HTR3C: variants seen among roughly 807,000 people sequenced by gnomAD.
HTR3C encodes the protein 5-hydroxytryptamine receptor 3C, also known as 5-HT3-C.
In HTR3C, 32 loss-of-function variants were observed where a neutral mutation model predicts 40.5. The ratio of observed to expected loss-of-function variants is 0.79; its 90% confidence interval spans 0.60 to 1.06. The LOEUF (loss-of-function observed/expected upper bound fraction) is 1.06, where lower values mean the gene tolerates loss of function less well. HTR3C is among the 50% of genes least tolerant of loss of function. The pLI, the probability that HTR3C is intolerant of heterozygous loss-of-function variation, is 0.00. For missense variants in HTR3C, 523 were observed against 556.8 expected (o/e 0.94, Z 0.61); for synonymous variants, 209 against 217.1 (o/e 0.96, Z 0.33).
intron 1 of HTR3C, 136 bp downstream of exon 1, chr3:184,053,283 TG>T (rs1456272594): frequency 3.0e-6 from 2 of 662,988 alleles, no homozygotes; most frequent in Non-Finnish European, 5.4e-6. Context: ...GATTTCCTTT[TG>T]GTGACAGATA....
At position 184,058,580 on chromosome 3, in the gene HTR3C, T is replaced by A. The variant is rs1189897528; in HGVS notation, c.713T>A (p.Met238Lys). 6.2e-7 allele frequency: 1 copy of A among 1,610,858 alleles called. No homozygotes were observed. The highest frequency in any genetic ancestry group is 1.1e-5 in the South Asian group (1 of 90,314). The change falls in exon 6 of 9, where the codon ATG becomes AAG. Residue 238 changes from methionine to lysine, a missense_variant. Met to Lys is a moderately conservative substitution (Grantham distance 95, BLOSUM62 -1). Coordinates refer to ENST00000318351, the MANE Select transcript of HTR3C (RefSeq NM_130770.3). Reference sequence around the variant, plus strand: ...GGCAACAACCTATATGACCAGATCATGTTTTATGTGAGTCCAGGGGCCCCT... The same window carrying A: ...GGCAACAACCTATATGACCAGATCAAGTTTTATGTGAGTCCAGGGGCCCCT... ...SMGNNLYDQI[M>K]FYVAIRRRPS... is the part of the protein sequence containing the mutation.
At chr3:184,059,769 CG>C in intron 7 of HTR3C, 58 bp from the exon 8 acceptor site, 1 of 1,597,548 alleles carries the variant, frequency 6.3e-7, no homozygotes, top group Non-Finnish European at 8.6e-7. Context: ...AGGAAAGAGG[CG>C]TGAGGAATGC....
intron 5 of HTR3C, among the ~76,000 whole-genome samples, chr3:184,057,501 G>A (rs541914001): frequency 5.9e-5 from 9 of 152,300 alleles, no homozygotes; most frequent in South Asian, 4.1e-4. Context: ...TCGGGAGGCC[G>A]AGGTGGGCAG....
At chr3:184,053,253 T>C in intron 1 of HTR3C, 106 bp downstream of exon 1, 1 of 797,498 alleles carries the variant, frequency 1.3e-6, no homozygotes, top group Non-Finnish European at 2.1e-6. Context: ...TAAATATTTC[T>C]TCCATAATGT....
At chr3:184,058,126 G>A (rs1723366939) in intron 5 of HTR3C, among the ~76,000 whole-genome samples, 1 of 152,224 alleles carries the variant, frequency 6.6e-6, no homozygotes, top group African/African-American at 2.4e-5. Flanking sequence ...CCATACGACT[G>A]GGGGACTGAG....
In HTR3C at chr3:184,054,843, A is replaced by G. The variant is rs761845667; in HGVS notation, c.190A>G (p.Thr64Ala). The change falls in exon 2 of 9, where the codon ACC becomes GCC. Residue 64 changes from threonine (T) to alanine (A), a missense_variant. By Grantham distance (58) the Thr-to-Ala change is moderately conservative (BLOSUM62 0). Coordinates refer to ENST00000318351, the MANE Select transcript of HTR3C (RefSeq NM_130770.3). ...FRPFTNYSIP[T>A]RVNISFTLSA... ...TCCATTCACCAACTACAGCATCCCTACCCGTGTCAACATCTCCTTCACCCT... is the reference window on the plus strand; with the variant it reads ...TCCATTCACCAACTACAGCATCCCTGCCCGTGTCAACATCTCCTTCACCCT... 1 of 1,612,826 alleles carries G rather than the reference A, an allele frequency of 6.2e-7. No homozygotes were observed. Among genetic ancestry groups the G allele is most frequent in the Non-Finnish European group, 8.5e-7 (1 of 1,179,434 alleles).
At chr3:184,055,711 T>TCACA (rs10561752) in intron 3 of HTR3C, among the ~76,000 whole-genome samples, 4 of 145,422 alleles carry the variant, frequency 2.8e-5, no homozygotes, top group Admixed American at 7.0e-5. Flanking sequence ...CGAAACTCCA[T>TCACA]CACACACACA....
At chr3:184,056,851 C>T (rs1213936294) in intron 4 of HTR3C, 24 bp from the exon 5 acceptor site, 1 of 1,566,420 alleles carries the variant, frequency 6.4e-7, no homozygotes, top group South Asian at 1.2e-5. Flanking sequence ...AAGCCTCCAT[C>T]TCTTCCCTCC....
intron 6 of HTR3C, 98 bp downstream of exon 6, chr3:184,058,685 C>A: frequency 1.5e-6 from 2 of 1,368,464 alleles, no homozygotes; most frequent in Non-Finnish European, 2.0e-6. Flanking sequence ...AAGCTCCAGG[C>A]CGGGTGCAGT....
intron 3 of HTR3C, 26 bp downstream of exon 3, chr3:184,055,382 C>T (rs367610543): frequency 5.2e-6 from 8 of 1,529,308 alleles, no homozygotes; most frequent in African/African-American, 1.4e-5. Flanking sequence ...CTATCTCCTC[C>T]CCACTTCATT....
rs1195018220 is a variant in HTR3C, at chr3:184,053,115, T to A, written c.35T>A (p.Leu12His). 1 of 1,613,806 alleles carries A rather than the reference T, an allele frequency of 6.2e-7. No individual in the cohort carries two copies. Among genetic ancestry groups the A allele is most frequent in the East Asian group, 2.2e-5 (1 of 44,878 alleles). Reference sequence around the variant, plus strand: ...GGGTGGCCTGCAAGGCAGAGTGCCCTCCTCTGCCTCACTGTCAGTCTTCTG... The same window carrying A: ...GGGTGGCCTGCAAGGCAGAGTGCCCACCTCTGCCTCACTGTCAGTCTTCTG... The part of the protein sequence containing the change: ...EGGWPARQSA[L>H]LCLTVSLLLQ... Residue 12 changes from leucine (L) to histidine (H), a missense_variant, in exon 1 of 9, where the codon CTC (leucine) becomes CAC (histidine). Leu to His is a moderately conservative substitution (Grantham distance 99). Transcript: ENST00000318351.
chr3:184,055,503 C>G, intron 3 of HTR3C, 147 bp downstream of exon 3: 1 of 625,416 alleles, frequency 1.6e-6, no homozygotes. Flanking sequence ...CACCTGAGGT[C>G]AGGAGTTCGA....
At chr3:184,053,189 G>A (rs770478607) in intron 1 of HTR3C, 42 bp downstream of exon 1, 9 of 1,466,290 alleles carry the variant, frequency 6.1e-6, no homozygotes, top group Admixed American at 5.0e-5. Flanking sequence ...GTGTGGTTCC[G>A]AGGGACACCT....
rs147380629 is a variant in HTR3C, at chr3:184,059,040, T to C, written c.721-396T>C. Among the ~76,000 whole-genome samples the C allele has an allele frequency of 7.5e-3, 1,136 of 152,226 alleles. 13 individuals carry two copies. Among genetic ancestry groups the C allele is most frequent in the South Asian group, 0.037 (177 of 4,810 alleles). The stretch of plus-strand genomic sequence containing the variant: ...GCTCCCCACTGCCCCATCTACCTAA[T>C]TGCCCTGAAGCAGGATCCCCAAGGC... On this transcript the variant is annotated intron_variant, in intron 6 of 8. Coordinates refer to ENST00000318351, the MANE Select transcript of HTR3C (RefSeq NM_130770.3).
chr3:184,055,858 A>G (rs987807839), intron 3 of HTR3C, among the ~76,000 whole-genome samples: 4 of 130,060 alleles, frequency 3.1e-5, no homozygotes, highest in Admixed American at 1.8e-4. Flanking sequence ...CTCCCTGGGA[A>G]TCTTAGGAAG....
chr3:184,055,565 T>G (rs527974178), intron 3 of HTR3C, among the ~76,000 whole-genome samples: 1 of 151,884 alleles, frequency 6.6e-6, no homozygotes, highest in Non-Finnish European at 1.5e-5. Flanking sequence ...AATACAAAAA[T>G]TAGCTGGGCA....
chr3:184,053,191 G>A, intron 1 of HTR3C, 44 bp downstream of exon 1: 1 of 1,450,348 alleles, frequency 6.9e-7, no homozygotes, highest in Non-Finnish European at 9.7e-7. Context: ...GTGGTTCCGA[G>A]GGACACCTGG....
intron 1 of HTR3C, among the ~76,000 whole-genome samples, chr3:184,054,149 A>G (rs1460042202): frequency 6.6e-6 from 1 of 152,182 alleles, no homozygotes; most frequent in Non-Finnish European, 1.5e-5. Context: ...AACTGAGGTC[A>G]CTAAATCTGA....
At chr3:184,054,662 A>G (rs1222142848) in intron 1 of HTR3C, 59 bp from the exon 2 acceptor site, 30 of 1,427,980 alleles carry the variant, frequency 2.1e-5, no homozygotes, top group Non-Finnish European at 2.7e-5. Flanking sequence ...ATCTCTCTGC[A>G]GAGAGACTCC....
Sources: gnomAD v4.1 joint callset for allele counts (sites outside exome capture counted in the v4.1 genomes callset) on GRCh38, gnomAD v4.1.1 for gene constraint, MANE v1.5 for transcripts, NCBI Gene and HGNC (gene_info 2026-07-23, HGNC 2026-07-21) for gene names.